Variants in GABRR3 observed in about 807,000 individuals in gnomAD.
GABRR3 encodes gamma-aminobutyric acid receptor subunit rho-3.
A neutral mutation model predicts 43.2 loss-of-function variants in GABRR3; 29 were observed. The observed-to-expected ratio is 0.67, with a 90% confidence interval of 0.50 to 0.92. GABRR3 has a LOEUF of 0.92. GABRR3 is among the 40% of genes least tolerant of loss of function. The pLI, the probability that GABRR3 is intolerant of heterozygous loss-of-function variation, is 0.00. For missense variants in GABRR3, 576 were observed against 572.3 expected (o/e 1.01, Z -0.07); for synonymous variants, 206 against 195.9 (o/e 1.05, Z -0.43).
chr3:98,008,998 A>C, exon 6 of GABRR3: 1 of 1,608,544 alleles, frequency 6.2e-7, no homozygotes, highest in South Asian at 1.1e-5. Flanking sequence ...TCAAGAGGAA[A>C]CCTGCTGAAA....
chr3:97,992,006 G>A lies in GABRR3; in HGVS notation c.1104+846C>T, dbSNP rs761569199. Among the ~76,000 whole-genome samples, 55 of 152,210 alleles carry A rather than the reference G, an allele frequency of 3.6e-4. 1 individual carries two copies. The highest frequency in any genetic ancestry group is 3.4e-3 in the Middle Eastern group (1 of 294). On this transcript the variant is annotated intron_variant, in intron 9 of 9. Transcript: ENST00000621172. Reference sequence around the variant, plus strand: ...ATTCTGTTAAGTGTAGACTAGAAACGAATGACTCTTATCAGTTAAGTTTCT... The same window carrying A: ...ATTCTGTTAAGTGTAGACTAGAAACAAATGACTCTTATCAGTTAAGTTTCT...
At chr3:98,019,118 A>C (rs1399249327) in intron 3 of GABRR3, among the ~76,000 whole-genome samples, 1 of 150,778 alleles carries the variant, frequency 6.6e-6, no homozygotes, top group Non-Finnish European at 1.5e-5. Context: ...TCAAAAAAAA[A>C]AAGAAAAAGA....
At chr3:97,986,308 A>T (rs2107221947), downstream of GABRR3, among the ~76,000 whole-genome samples, 1 of 152,338 alleles carries the variant, frequency 6.6e-6, no homozygotes, top group East Asian at 1.9e-4. Context: ...CTGGTAGATA[A>T]CCAGGCACTT....
At chr3:98,032,149 A>G (rs551776973) in intron 2 of GABRR3, among the ~76,000 whole-genome samples, 29 of 151,972 alleles carry the variant, frequency 1.9e-4, no homozygotes, top group African/African-American at 6.0e-4. Flanking sequence ...TATTTCTACA[A>G]TACAGTTACA....
At chr3:98,018,691 T>C (rs2107243920) in intron 3 of GABRR3, among the ~76,000 whole-genome samples, 1 of 152,368 alleles carries the variant, frequency 6.6e-6, no homozygotes, top group South Asian at 2.1e-4. Flanking sequence ...TCTCTTTCCA[T>C]ATAAGCCATT....
chr3:98,031,679 G>A (rs1172556496), intron 2 of GABRR3, among the ~76,000 whole-genome samples: 1 of 151,982 alleles, frequency 6.6e-6, no homozygotes, highest in Non-Finnish European at 1.5e-5. Flanking sequence ...GGTGTTTGAG[G>A]TTATAGTGAA....
rs773009972 is a variant in GABRR3 at position 98,001,600 on chromosome 3, TG to T, written c.907+14del. The T allele has an allele frequency of 6.2e-7, 1 of 1,612,322 alleles. No homozygotes were observed. Among genetic ancestry groups the T allele is most frequent in the African/African-American group, 1.3e-5 (1 of 74,940 alleles). ...CTCCCATGTTAACATTTTATAAAGA[TG>T]GGGAAAGATTTACCCAGGGAAACTC... On this transcript the variant is annotated intron_variant, in intron 8 of 9. Transcript: ENST00000621172.
At chr3:97,986,514 G>A (rs1389709471), downstream of GABRR3, 1 of 160,366 alleles carries the variant, frequency 6.2e-6, no homozygotes. Flanking sequence ...ACTTTTCTAG[G>A]ACCTAAACTC....
exon 10 of GABRR3, chr3:97,986,809 T>G: frequency 1.2e-6 from 2 of 1,612,302 alleles, no homozygotes; most frequent in African/African-American, 1.3e-5. Context: ...CTCCTAGGGA[T>G]TTTCTTCTCT....
chr3:98,003,614 T>C (rs987740181), intron 7 of GABRR3, among the ~76,000 whole-genome samples: 2 of 152,042 alleles, frequency 1.3e-5, no homozygotes, highest in African/African-American at 4.8e-5. Flanking sequence ...CAATAAAAAG[T>C]CTGATTCTAT....
chr3:97,986,854 C>T (rs1252352597), exon 10 of GABRR3: 62 of 1,612,216 alleles, frequency 3.8e-5, no homozygotes, highest in Non-Finnish European at 5.2e-5. Flanking sequence ...GGCTGCATAT[C>T]GATTTTCTTC....
chr3:97,985,920 G>A (rs905207338), downstream of GABRR3, among the ~76,000 whole-genome samples: 5 of 151,906 alleles, frequency 3.3e-5, no homozygotes, highest in Admixed American at 6.6e-5. Flanking sequence ...AGGCTAGAGT[G>A]CAGTGGCTCA....
At chr3:98,003,258 T>C (rs977120393) in intron 7 of GABRR3, among the ~76,000 whole-genome samples, 4 of 152,134 alleles carry the variant, frequency 2.6e-5, no homozygotes, top group African/African-American at 4.8e-5. Context: ...CAACTTTATA[T>C]AACTACTGTG....
Position 98,025,475 on chromosome 3 carries a change from C to A in GABRR3, c.238+92G>T. ...TCTTTTTTTGTTTTAAACTGATGGA[C>A]TTTACTTGCATTTTGGTCTTGTTTT... is the stretch of plus-strand genomic sequence containing the variant. On this transcript the variant is annotated intron_variant, in intron 3 of 9. Transcript: ENST00000621172. The A allele has an allele frequency of 5.3e-6, 4 of 752,318 alleles. No individual in the cohort carries two copies. In the South Asian group the frequency reaches 6.5e-5, roughly 12 times the overall value. The allele number at this position is 752,318 out of a possible 1,614,324, so 46.6% of individuals were successfully genotyped here.
At chr3:98,018,817 T>C (rs1247330945) in intron 3 of GABRR3, among the ~76,000 whole-genome samples, 1 of 152,032 alleles carries the variant, frequency 6.6e-6, no homozygotes, top group Non-Finnish European at 1.5e-5. Flanking sequence ...TAATCGAGAT[T>C]CAAAGATTTA....
chr3:98,031,496 G>A (rs368936120), intron 2 of GABRR3, among the ~76,000 whole-genome samples: 106 of 152,242 alleles, frequency 7.0e-4, no homozygotes, highest in African/African-American at 2.4e-3. Context: ...TATAATCCCA[G>A]CACTTTGGGA....
chr3:98,012,348 G>A, exon 5 of GABRR3: 1 of 1,613,092 alleles, frequency 6.2e-7, no homozygotes, highest in Non-Finnish European at 8.5e-7. Context: ...CCTTACCTGA[G>A]ACTTAGGAGG....
chr3:98,026,891 A>G (rs765521649), intron 2 of GABRR3, among the ~76,000 whole-genome samples: 6 of 152,144 alleles, frequency 3.9e-5, no homozygotes, highest in Non-Finnish European at 8.8e-5. Context: ...ACCTGAGATC[A>G]CCCAGTGTGG....
intron 7 of GABRR3, among the ~76,000 whole-genome samples, chr3:98,004,729 C>T (rs1706702887): frequency 1.3e-5 from 2 of 151,428 alleles, no homozygotes. Flanking sequence ...AACTAAGGTC[C>T]TATAACTATA....
Sources: gnomAD v4.1 joint callset for allele counts (sites outside exome capture counted in the v4.1 genomes callset) on GRCh38, gnomAD v4.1.1 for gene constraint, MANE v1.5 for transcripts, NCBI Gene and HGNC (gene_info 2026-07-23, HGNC 2026-07-21) for gene names.